Variants in SWT1 observed in about 807,000 individuals in gnomAD.
SWT1 encodes SWT1 RNA endoribonuclease homolog.
A neutral mutation model predicts 107.3 loss-of-function variants in SWT1; 33 were observed. That is an observed-to-expected ratio of 0.31 (90% CI 0.23 to 0.41). The LOEUF (loss-of-function observed/expected upper bound fraction) is 0.41. Among genes scored for constraint, SWT1 ranks in the 10% least tolerant of loss-of-function variants. The pLI is 1.00. For missense variants in SWT1, 898 were observed against 1,028.9 expected, an observed-to-expected ratio of 0.87 and a Z score of 1.74; for synonymous variants, 345 against 348.3, an observed-to-expected ratio of 0.99 and a Z score of 0.11.
intron 17 of SWT1, among the ~76,000 whole-genome samples, chr1:185,273,745 T>C (rs1414707718): frequency 2.0e-5 from 3 of 152,180 alleles, no homozygotes; most frequent in African/African-American, 7.2e-5. Flanking sequence ...TAATTCTTTA[T>C]CACCACATTA....
intron 16 of SWT1, among the ~76,000 whole-genome samples, chr1:185,256,483 T>C (rs1488855069): frequency 6.6e-6 from 1 of 151,510 alleles, no homozygotes; most frequent in East Asian, 1.9e-4. Context: ...CTCATTTCTT[T>C]TTATTCTTTT....
chr1:185,246,482 G>C (rs1001593229), intron 16 of SWT1, among the ~76,000 whole-genome samples: 18 of 151,898 alleles, frequency 1.2e-4, no homozygotes, highest in African/African-American at 3.4e-4. Context: ...TTGCCATGTT[G>C]ATCAGGCTGG....
At chr1:185,279,305 T>TA (rs774434375) in intron 18 of SWT1, among the ~76,000 whole-genome samples, 1 of 152,184 alleles carries the variant, frequency 6.6e-6, no homozygotes, top group Non-Finnish European at 1.5e-5. Context: ...AGTAGACGTC[T>TA]AGAATTGTTT....
chr1:185,283,890 A>G (rs1019242127), intron 18 of SWT1, among the ~76,000 whole-genome samples: 1 of 152,146 alleles, frequency 6.6e-6, no homozygotes. Flanking sequence ...TCATCTCTTG[A>G]TGGACATTTG....
At position 185,244,328 on chromosome 1, in the gene SWT1, A is replaced by G. The variant is rs80257778; in HGVS notation, c.2441+12620A>G. Among the ~76,000 whole-genome samples the G allele has an allele frequency of 5.5e-3, 835 of 152,264 alleles. 33 individuals are homozygous for G. In the East Asian group the frequency reaches 0.092, roughly 17 times the overall value. The stretch of plus-strand genomic sequence containing the variant: ...AAATCTAGATGGAATAGCCCACTAC[A>G]CACCTAGGCTGTATGGTAAATGGCC... On this transcript the variant is annotated intron_variant, in intron 16 of 18. Coordinates refer to ENST00000367500, the MANE Select transcript of SWT1 (RefSeq NM_017673.7).
chr1:185,205,793 G>A (rs1218249674), intron 12 of SWT1, among the ~76,000 whole-genome samples: 5 of 152,124 alleles, frequency 3.3e-5, no homozygotes, highest in East Asian at 1.9e-4. Flanking sequence ...AAATGATGAC[G>A]AATCATCAGA....
intron 5 of SWT1, among the ~76,000 whole-genome samples, chr1:185,175,809 C>A (rs190217114): frequency 6.6e-6 from 1 of 152,018 alleles, no homozygotes; most frequent in Non-Finnish European, 1.5e-5. Flanking sequence ...TCACCGTGTA[C>A]CAGGCACCAC....
intron 18 of SWT1, among the ~76,000 whole-genome samples, chr1:185,288,597 C>T (rs1665080672): frequency 2.0e-5 from 3 of 152,090 alleles, no homozygotes; most frequent in Non-Finnish European, 2.9e-5. Flanking sequence ...TTCTCTCCAA[C>T]ACCATGAATA....
At chr1:185,266,760 A>T (rs1242197937) in intron 16 of SWT1, 1 of 151,932 alleles carries the variant, frequency 6.6e-6, no homozygotes, top group African/African-American at 2.4e-5. Context: ...ATTAATGCTA[A>T]TTGTTCATGG....
intron 4 of SWT1, chr1:185,171,675 GC>G: frequency 4.0e-6 from 2 of 500,536 alleles, no homozygotes; most frequent in Admixed American, 2.2e-5. Flanking sequence ...TTTTTTTTTT[GC>G]CCCCCTTTAC....
At chr1:185,226,926 T>A in intron 15 of SWT1, 1 of 1,128,690 alleles carries the variant, frequency 8.9e-7, no homozygotes, top group Non-Finnish European at 1.3e-6. Flanking sequence ...AACTTCTTTC[T>A]GCGGCGTCTT....
chr1:185,202,962 G>A (rs1318669272), intron 11 of SWT1, among the ~76,000 whole-genome samples, 163 bp downstream of exon 11: 1 of 152,066 alleles, frequency 6.6e-6, no homozygotes, highest in Non-Finnish European at 1.5e-5. Context: ...AAGTTATGAT[G>A]GTAATCCAAA....
intron 16 of SWT1, among the ~76,000 whole-genome samples, chr1:185,265,067 T>C (rs983815991): frequency 5.3e-5 from 8 of 152,196 alleles, no homozygotes; most frequent in African/African-American, 1.9e-4. Flanking sequence ...AAAAGATTTC[T>C]AGTATTCTGA....
chr1:185,190,438 A>G, intron 9 of SWT1, 111 bp from the exon 10 acceptor site: 1 of 639,444 alleles, frequency 1.6e-6, no homozygotes, highest in East Asian at 2.7e-5. Context: ...TCATACCTTA[A>G]CTACCTTAAA....
chr1:185,290,570 A>T, intron 18 of SWT1, 104 bp from the exon 19 acceptor site: 1 of 733,560 alleles, frequency 1.4e-6, no homozygotes, highest in Non-Finnish European at 2.0e-6. Context: ...CATAATATAT[A>T]TATATTTTTT....
chr1:185,186,132 G>A (rs1656444806), intron 9 of SWT1, among the ~76,000 whole-genome samples: 2 of 152,130 alleles, frequency 1.3e-5, no homozygotes, highest in African/African-American at 2.4e-5. Flanking sequence ...GATTGGTTGA[G>A]TTAATATATT....
chr1:185,212,376 A>C lies in SWT1; in HGVS notation c.1973-2131A>C, dbSNP rs145629755. Among the ~76,000 whole-genome samples, 1,057 of 152,100 alleles carry C rather than the reference A, an allele frequency of 6.9e-3. 15 individuals are homozygous for C. The highest frequency in any genetic ancestry group is 0.024 in the African/African-American group (975 of 41,468). Reference sequence around the variant, plus strand: ...CCATCTTCCATCTGTTTTTCCTGGCAGGGGGGTCTGCTCTTAGACGCAGCT... The same window carrying C: ...CCATCTTCCATCTGTTTTTCCTGGCCGGGGGGTCTGCTCTTAGACGCAGCT... On this transcript the variant is annotated intron_variant, in intron 13 of 18. Coordinates refer to ENST00000367500, the MANE Select transcript of SWT1 (RefSeq NM_017673.7).
intron 18 of SWT1, among the ~76,000 whole-genome samples, chr1:185,279,330 TTTTAGA>T (rs1421042344): frequency 6.6e-6 from 1 of 152,178 alleles, no homozygotes. Flanking sequence ...TTTAGCTTAC[TTTTAGA>T]TTAGTTGGCA....
intron 13 of SWT1, among the ~76,000 whole-genome samples, chr1:185,211,760 T>C (rs1471771504): frequency 1.3e-5 from 2 of 152,212 alleles, no homozygotes; most frequent in Non-Finnish European, 2.9e-5. Flanking sequence ...TGCACACATA[T>C]GTTTATTGTG....
Sources: gnomAD v4.1 joint callset for allele counts (sites outside exome capture counted in the v4.1 genomes callset) on GRCh38, gnomAD v4.1.1 for gene constraint, MANE v1.5 for transcripts, NCBI Gene and HGNC (gene_info 2026-07-23, HGNC 2026-07-21) for gene names.